TTC3: variants seen among roughly 807,000 people sequenced by gnomAD.
The protein encoded by TTC3 is E3 ubiquitin-protein ligase TTC3.
TTC3 carries 180 observed loss-of-function variants against 249.6 expected under a neutral mutation model. The ratio of observed to expected loss-of-function variants is 0.72; its 90% confidence interval spans 0.64 to 0.82. TTC3 has a LOEUF of 0.82. TTC3 is among the 40% of genes least tolerant of loss of function. The pLI, the probability that TTC3 is intolerant of heterozygous loss-of-function variation, is 0.00. For synonymous variants in TTC3, 717 were observed against 805.0 expected (o/e 0.89, Z 1.85); for missense variants, 2,061 against 2,398.4 (o/e 0.86, Z 2.94).
chr21:37,195,667 C>T lies in TTC3; in HGVS notation c.5218-8C>T. On this transcript the variant is annotated splice_polypyrimidine_tract_variant and splice_region_variant and intron_variant, in intron 41 of 45. Coordinates refer to ENST00000355666, the Ensembl canonical transcript of TTC3. Reference sequence around the variant, plus strand: ...TAAGTGATCCATGGTGTGGTGTGTTCCTCACAGGTTCATCCCGAGTTACTC... The same window carrying T: ...TAAGTGATCCATGGTGTGGTGTGTTTCTCACAGGTTCATCCCGAGTTACTC... 1 of 1,594,994 alleles carries T rather than the reference C, an allele frequency of 6.3e-7. No individual in the cohort carries two copies. Among genetic ancestry groups the T allele is most frequent in the African/African-American group, 1.3e-5 (1 of 74,812 alleles).
chr21:37,174,278 C>G (rs1172320082), intron 35 of TTC3, among the ~76,000 whole-genome samples: 3 of 152,166 alleles, frequency 2.0e-5, no homozygotes, highest in Non-Finnish European at 2.9e-5. Flanking sequence ...TTGCGTGGCC[C>G]TACTCAAGAG....
chr21:37,073,585 G>A (rs1231153510), intron 1 of TTC3, 112 bp downstream of exon 1: 3 of 816,158 alleles, frequency 3.7e-6, no homozygotes, highest in African/African-American at 1.9e-5. Flanking sequence ...GCCTACCCCA[G>A]TGGGTTTGCC....
intron 10 of TTC3, chr21:37,098,239 A>G (rs995534002): frequency 1.2e-5 from 3 of 258,990 alleles, no homozygotes; most frequent in African/African-American, 2.2e-5. Context: ...TCAAGATCAG[A>G]TGAATAGGTT....
chr21:37,108,561 A>C, intron 11 of TTC3, 115 bp downstream of exon 11: 1 of 968,036 alleles, frequency 1.0e-6, no homozygotes. Context: ...GTAGAGCTCC[A>C]GAATGTGAAA....
At chr21:37,139,296 T>C (rs1199061623) in intron 19 of TTC3, among the ~76,000 whole-genome samples, 2 of 152,096 alleles carry the variant, frequency 1.3e-5, no homozygotes, top group Admixed American at 6.6e-5. Flanking sequence ...ATTGCAGGCT[T>C]CCTATAACTG....
intron 14 of TTC3, among the ~76,000 whole-genome samples, chr21:37,125,143 A>T (rs1338143468): frequency 5.3e-5 from 8 of 152,046 alleles, no homozygotes; most frequent in Non-Finnish European, 8.8e-5. Context: ...TGTATTGAGC[A>T]TTTCCAGCTG....
At chr21:37,159,885 C>A (rs1268285931) in intron 29 of TTC3, 140 bp downstream of exon 29, 2 of 589,376 alleles carry the variant, frequency 3.4e-6, no homozygotes, top group Non-Finnish European at 5.2e-6. Flanking sequence ...GTAGTACGTA[C>A]TATTATTCAT....
At chr21:37,116,903 T>G (rs1380376540) in intron 11 of TTC3, among the ~76,000 whole-genome samples, 2 of 152,178 alleles carry the variant, frequency 1.3e-5, no homozygotes, top group African/African-American at 4.8e-5. Context: ...TTCCTGGTTT[T>G]ACGTAATTTA....
chr21:37,172,558 A>G (rs757289675), intron 34 of TTC3, 37 bp from the exon 35 acceptor site: 2 of 1,585,894 alleles, frequency 1.3e-6, no homozygotes, highest in Admixed American at 3.7e-5. Context: ...GGCATTTTAA[A>G]TGATTTTTAA....
At chr21:37,095,135 A>ATGTGTGTGTGTGTGTG (rs201291680) in intron 8 of TTC3, among the ~76,000 whole-genome samples, 12 of 76,670 alleles carry the variant, frequency 1.6e-4, no homozygotes, top group African/African-American at 3.9e-4. Flanking sequence ...GTCTCTAAAA[A>ATGTGTGTGTGTGTGTG]TATGTGTGTG....
At position 37,108,701 on chromosome 21, in the gene TTC3, G is replaced by A. The variant is rs537836132; in HGVS notation, c.900+255G>A. The stretch of plus-strand genomic sequence containing the variant: ...TTAGTGATTGAGAGGTCATCTCTGC[G>A]TATTCTGGGTGGGTGTGCCTGAATG... On this transcript the variant is annotated intron_variant, in intron 11 of 45. Transcript: ENST00000355666. Among the ~76,000 whole-genome samples, 20 of 152,256 alleles carry A rather than the reference G, an allele frequency of 1.3e-4. 1 individual carries two copies. The highest frequency in any genetic ancestry group is 2.1e-4 in the South Asian group (1 of 4,822).
Position 37,121,813 on chromosome 21 carries a change from A to G in TTC3, c.901-4A>G. ...AAAAAATTAAATTTATCTTTTTGGA[A>G]CAGGGTCATTATCGTTATTGTGATG... On this transcript the variant is annotated splice_region_variant and splice_polypyrimidine_tract_variant and intron_variant, in intron 11 of 45. Transcript: ENST00000355666. 1 of 1,558,852 alleles carries G rather than the reference A, an allele frequency of 6.4e-7. No individual in the cohort carries two copies. The highest frequency in any genetic ancestry group is 1.3e-5 in the South Asian group (1 of 79,256).
intron 11 of TTC3, among the ~76,000 whole-genome samples, chr21:37,118,513 T>C (rs2076339528): frequency 6.6e-6 from 1 of 152,178 alleles, no homozygotes; most frequent in South Asian, 2.1e-4. Flanking sequence ...ACTAATAACC[T>C]CAGAAATGTC....
At chr21:37,082,518 A>G in intron 1 of TTC3, 1 of 985,326 alleles carries the variant, frequency 1.0e-6, no homozygotes, top group Non-Finnish European at 1.2e-6. Context: ...AGCTGGCATC[A>G]CTTTTGAGTT....
rs538626913 is a variant in TTC3 at position 37,083,503 on chromosome 21, G to A, written c.-11-3744G>A. 202 of 633,166 alleles carry A rather than the reference G, an allele frequency of 3.2e-4. 1 individual carries two copies. In the African/African-American group the frequency reaches 3.5e-3, roughly 11 times the overall value. 39.2% of individuals were successfully genotyped at this position (633,166 alleles called of 1,614,324 possible). On this transcript the variant is annotated intron_variant, in intron 1 of 45. Transcript: ENST00000355666. The stretch of plus-strand genomic sequence containing the variant: ...AGGCAGTGGCACTGGGCATGAAGAA[G>A]TATATGTGTGCTAATTTTAGATTTC...
At chr21:37,146,060 T>C (rs1202275639) in intron 21 of TTC3, among the ~76,000 whole-genome samples, 1 of 152,222 alleles carries the variant, frequency 6.6e-6, no homozygotes, top group Non-Finnish European at 1.5e-5. Context: ...TCACAAAAAC[T>C]TGTACATGAA....
intron 1 of TTC3, 158 bp from the exon 2 acceptor site, chr21:37,087,089 G>A: frequency 1.4e-6 from 1 of 727,392 alleles, no homozygotes; most frequent in East Asian, 2.7e-5. Flanking sequence ...TCAGCAGAAT[G>A]GGGACGAGAA....
chr21:37,128,957 G>A (rs748885489), intron 15 of TTC3, 46 bp from the exon 16 acceptor site: 1 of 1,424,602 alleles, frequency 7.0e-7, no homozygotes, highest in Non-Finnish European at 9.5e-7. Flanking sequence ...CAGGCTTGTA[G>A]ATTTTTATGT....
At chr21:37,189,955 G>A (rs1319371550) in intron 39 of TTC3, among the ~76,000 whole-genome samples, 2 of 151,756 alleles carry the variant, frequency 1.3e-5, no homozygotes, top group African/African-American at 4.8e-5. Context: ...TTCTCTATGT[G>A]GGATTACTTT....
Sources: gnomAD v4.1 joint callset for allele counts (sites outside exome capture counted in the v4.1 genomes callset) on GRCh38, gnomAD v4.1.1 for gene constraint, MANE v1.5 for transcripts, NCBI Gene and HGNC (gene_info 2026-07-23, HGNC 2026-07-21) for gene names.